Variants in ENTREP2 observed in about 807,000 individuals in gnomAD.
ENTREP2 encodes endosomal transmembrane epsin interactor 2.
chr15:29,639,799 A>T, the ENTREP2 span, among the ~76,000 whole-genome samples: 1 of 140,918 alleles, frequency 7.1e-6, no homozygotes, highest in Middle Eastern at 3.6e-3. Flanking sequence ...ACGAAGTCTC[A>T]CTCTTGTCAC....
chr15:29,562,787 ATTTGTT>A, the ENTREP2 span, among the ~76,000 whole-genome samples: 80,854 of 150,158 alleles, frequency 0.54, 22,000 homozygotes, highest in Non-Finnish European at 0.6. Context: ...TTTGTTTTGT[ATTTGTT>A]TTTGTTTTTG....
chr15:29,609,629 A>G, the ENTREP2 span: 1 of 143,532 alleles, frequency 7.0e-6, no homozygotes. Flanking sequence ...AATCTATAAT[A>G]TTAATTATTA....
the ENTREP2 span, among the ~76,000 whole-genome samples, chr15:29,434,898 G>A: frequency 2.0e-5 from 3 of 152,124 alleles, no homozygotes; most frequent in African/African-American, 4.8e-5. Context: ...ACCATGGCCC[G>A]AGTGTTAGGC....
chr15:29,217,969 C>T, the ENTREP2 span, among the ~76,000 whole-genome samples: 1 of 152,112 alleles, frequency 6.6e-6, no homozygotes, highest in Admixed American at 6.5e-5. Flanking sequence ...CCCTCTTTGC[C>T]TATGGATGTG....
At chr15:29,524,928 C>T in the ENTREP2 span, among the ~76,000 whole-genome samples, 3 of 152,202 alleles carry the variant, frequency 2.0e-5, no homozygotes, top group Admixed American at 6.5e-5. Flanking sequence ...GTTTATATCC[C>T]GATCATTGTC....
the ENTREP2 span, among the ~76,000 whole-genome samples, chr15:29,332,107 G>C: frequency 6.6e-6 from 1 of 152,134 alleles, no homozygotes; most frequent in Admixed American, 6.5e-5. Context: ...CAAAACTACA[G>C]ACAAAAGAAA....
chr15:29,543,233 G>A, the ENTREP2 span, among the ~76,000 whole-genome samples: 1 of 152,162 alleles, frequency 6.6e-6, no homozygotes, highest in Non-Finnish European at 1.5e-5. Flanking sequence ...AATGCTGCAC[G>A]TACACAGAGG....
At chr15:29,308,515 T>C in the ENTREP2 span, among the ~76,000 whole-genome samples, 7 of 152,324 alleles carry the variant, frequency 4.6e-5, no homozygotes, top group African/African-American at 1.4e-4. Context: ...GACCTGCCCC[T>C]GAGTCAGCTG....
the ENTREP2 span, among the ~76,000 whole-genome samples, chr15:29,219,112 GA>G: frequency 0.35 from 51,091 of 146,680 alleles, 9,916 homozygotes; most frequent in East Asian, 0.61. Flanking sequence ...AAATCAGTAA[GA>G]AAAAAAAAAC....
the ENTREP2 span, among the ~76,000 whole-genome samples, chr15:29,229,627 C>T: frequency 6.6e-6 from 1 of 152,170 alleles, no homozygotes; most frequent in Non-Finnish European, 1.5e-5. Context: ...GGTATCATTG[C>T]TTCACATGGC....
chr15:29,134,757 A>G, the ENTREP2 span, among the ~76,000 whole-genome samples: 12 of 152,326 alleles, frequency 7.9e-5, no homozygotes, highest in Non-Finnish European at 1.5e-4. Flanking sequence ...CCTCAGGGTC[A>G]GCGCTGCCTT....
At chr15:29,572,457 G>C in the ENTREP2 span, among the ~76,000 whole-genome samples, 25 of 152,112 alleles carry the variant, frequency 1.6e-4, no homozygotes, top group African/African-American at 5.8e-4. Flanking sequence ...GTTCGCATTT[G>C]ATCATCTCCC....
the ENTREP2 span, among the ~76,000 whole-genome samples, chr15:29,503,878 C>A: frequency 6.6e-6 from 1 of 151,910 alleles, no homozygotes; most frequent in Admixed American, 6.6e-5. Flanking sequence ...TTTTTCATTC[C>A]AAATAAATAT....
the ENTREP2 span, among the ~76,000 whole-genome samples, chr15:29,203,939 G>C: frequency 1.3e-5 from 2 of 152,182 alleles, no homozygotes; most frequent in African/African-American, 4.8e-5. Flanking sequence ...CCGGGGAAAG[G>C]GAGGGGAGAT....
At chr15:29,283,865 C>T in the ENTREP2 span, among the ~76,000 whole-genome samples, 1 of 152,084 alleles carries the variant, frequency 6.6e-6, no homozygotes, top group Non-Finnish European at 1.5e-5. Flanking sequence ...ACTCCAAATG[C>T]TCAACTTTTT....
the ENTREP2 span, among the ~76,000 whole-genome samples, chr15:29,145,945 A>C: frequency 6.6e-6 from 1 of 152,220 alleles, no homozygotes; most frequent in Non-Finnish European, 1.5e-5. Context: ...AATAAAGCTC[A>C]AAATGAGTTC....
At chr15:29,498,910 G>T in the ENTREP2 span, among the ~76,000 whole-genome samples, 1 of 151,922 alleles carries the variant, frequency 6.6e-6, no homozygotes, top group Non-Finnish European at 1.5e-5. Context: ...TGACCTTTTT[G>T]ATCTCTTTTA....
the ENTREP2 span, among the ~76,000 whole-genome samples, chr15:29,382,249 G>T: frequency 1.4e-5 from 2 of 139,386 alleles, no homozygotes; most frequent in East Asian, 4.0e-4. Context: ...GAGGCAGAGC[G>T]AGACTCCATC....
the ENTREP2 span, among the ~76,000 whole-genome samples, chr15:29,179,091 A>G: frequency 2.0e-5 from 3 of 152,256 alleles, no homozygotes; most frequent in African/African-American, 7.2e-5. Context: ...TTCTCTCGAA[A>G]TAACAGGCTA....
Sources: gnomAD v4.1 joint callset for allele counts (sites outside exome capture counted in the v4.1 genomes callset) on GRCh38, gnomAD v4.1.1 for gene constraint, MANE v1.5 for transcripts, NCBI Gene and HGNC (gene_info 2026-07-23, HGNC 2026-07-21) for gene names.